Variants in RPH3A observed in about 807,000 individuals in gnomAD.
RPH3A encodes rabphilin-3A.
A neutral mutation model predicts 102.2 loss-of-function variants in RPH3A; 48 were observed. The observed-to-expected ratio is 0.47, with a 90% CI of 0.37 to 0.60. The LOEUF is 0.60. Among genes scored for constraint, RPH3A ranks in the 20% least tolerant of loss-of-function variants. The pLI, the probability that RPH3A is intolerant of heterozygous loss-of-function variation, is 0.00. For missense variants in RPH3A, 781 were observed against 910.1 expected, an observed-to-expected ratio of 0.86 and a Z score of 1.83; for synonymous variants, 310 against 324.3, an observed-to-expected ratio of 0.96 and a Z score of 0.47.
rs1185287634 is a variant in RPH3A at position 112,837,760 on chromosome 12, C to T, written c.83+1258C>T. 6.6e-6 allele frequency: 3 copies of T among 455,926 alleles called. No individual in the cohort carries two copies. The East Asian group carries it at 2.1e-4, about 32-fold the overall frequency. The allele number at this position is 455,926 out of a possible 1,614,324, so 28.2% of individuals were successfully genotyped here. On this transcript the variant is annotated intron_variant, in intron 4 of 21. Transcript: ENST00000389385. ...ATCACCAGAGAGAAGTTCATGACTC[C>T]AAAAGGTCTCAGGGTTCTTAGAGGC...
At chr12:112,892,119 G>A (rs1407255524) in intron 19 of RPH3A, among the ~76,000 whole-genome samples, 1 of 152,218 alleles carries the variant, frequency 6.6e-6, no homozygotes, top group Non-Finnish European at 1.5e-5. Flanking sequence ...CTGGCCTTGG[G>A]GCAGCAACAT....
intron 1 of RPH3A, among the ~76,000 whole-genome samples, chr12:112,664,360 T>C (rs1459078070): frequency 6.6e-6 from 1 of 152,112 alleles, no homozygotes; most frequent in East Asian, 1.9e-4. Flanking sequence ...AACAATCAGG[T>C]TCTCTCTCCA....
intron 1 of RPH3A, among the ~76,000 whole-genome samples, chr12:112,608,082 T>C (rs1393473332): frequency 4.6e-5 from 7 of 151,842 alleles, no homozygotes; most frequent in African/African-American, 7.3e-5. Context: ...CTTACCCTCA[T>C]CTTTTATATC....
At chr12:112,727,975 C>T (rs577615164) in intron 1 of RPH3A, among the ~76,000 whole-genome samples, 13 of 152,246 alleles carry the variant, frequency 8.5e-5, no homozygotes, top group Admixed American at 2.6e-4. Flanking sequence ...TATATAAAAA[C>T]CCATGAATAT....
chr12:112,643,404 T>C (rs928824425), intron 1 of RPH3A, among the ~76,000 whole-genome samples: 2 of 152,234 alleles, frequency 1.3e-5, no homozygotes, highest in Non-Finnish European at 1.5e-5. Flanking sequence ...ATTAGGTAAA[T>C]GCTAAGCTAG....
intron 1 of RPH3A, among the ~76,000 whole-genome samples, chr12:112,699,121 A>G (rs1319964227): frequency 2.0e-5 from 3 of 152,082 alleles, no homozygotes; most frequent in African/African-American, 4.8e-5. Context: ...GGGTTTCACC[A>G]TGTTGCCCAG....
At chr12:112,722,828 T>C (rs1356698961) in intron 1 of RPH3A, among the ~76,000 whole-genome samples, 2 of 152,194 alleles carry the variant, frequency 1.3e-5, no homozygotes, top group East Asian at 3.8e-4. Context: ...GCTGGTGACT[T>C]TGTGGGGCTG....
At chr12:112,833,095 T>C (rs1018539789) in intron 3 of RPH3A, among the ~76,000 whole-genome samples, 10 of 152,080 alleles carry the variant, frequency 6.6e-5, no homozygotes, top group Non-Finnish European at 1.3e-4. Context: ...AGGCTGGTCT[T>C]GAACTCCTGA....
chr12:112,744,800 G>A (rs984762336), intron 1 of RPH3A, among the ~76,000 whole-genome samples: 1 of 152,146 alleles, frequency 6.6e-6, no homozygotes, highest in Admixed American at 6.5e-5. Flanking sequence ...CCTTTACTCT[G>A]TGCTCTGATG....
intron 2 of RPH3A, among the ~76,000 whole-genome samples, chr12:112,825,294 A>G (rs1371452522): frequency 6.6e-6 from 1 of 152,192 alleles, no homozygotes; most frequent in Non-Finnish European, 1.5e-5. Context: ...CTTTACTGTA[A>G]GGGATCTTCT....
rs1003411896 is a variant in RPH3A at position 112,586,718 on chromosome 12, G to A, written c.-140+11399G>A. On this transcript the variant is annotated intron_variant, in intron 1 of 21. Coordinates refer to the RPH3A transcript ENST00000543106. ...CATGTCCTCATGTAATCTTCCCAACGATCTTATGAAGAAGGTCCTACTATT... is the reference window on the plus strand; with the variant it reads ...CATGTCCTCATGTAATCTTCCCAACAATCTTATGAAGAAGGTCCTACTATT... Among the ~76,000 whole-genome samples, 4 of 152,164 alleles carry A rather than the reference G, an allele frequency of 2.6e-5. 1 individual carries two copies.
chr12:112,626,525 G>C (rs1470990579), intron 1 of RPH3A, among the ~76,000 whole-genome samples: 1 of 136,476 alleles, frequency 7.3e-6, no homozygotes, highest in Non-Finnish European at 1.6e-5. Context: ...TCTCACACCA[G>C]TTAGAATGGC....
Position 112,896,682 on chromosome 12 carries a change from G to C in RPH3A, c.1987G>C (p.Glu663Gln). The C allele has an allele frequency of 3.1e-6, 5 of 1,614,116 alleles. No individual in the cohort carries two copies. Among genetic ancestry groups the C allele is most frequent in the Non-Finnish European group, 4.2e-6 (5 of 1,180,008 alleles). ...CCAGCTGGGGATCTCTGCCAAGGGA[G>C]AGCGCTTAAAACACTGGTACGAGTG... The part of the protein sequence containing the change: ...GCQLGISAKG[E>Q]RLKHWYECLK... Residue 663 changes from glutamate (E) to glutamine (Q), a missense_variant, in exon 22 of 22, where the codon GAG becomes CAG. Around this residue, in one of 2 missense-constraint regions of RPH3A, gnomAD observed 51 missense variants for 100.1 expected, o/e 0.51. Coordinates refer to ENST00000389385, the MANE Select transcript of RPH3A (RefSeq NM_001143854.2).
At chr12:112,712,895 T>TTCTTCTTCTTCTTCTTCC (rs1565856672) in intron 1 of RPH3A, among the ~76,000 whole-genome samples, 2 of 132,496 alleles carry the variant, frequency 1.5e-5, no homozygotes, top group African/African-American at 6.4e-5. Context: ...CTTCTTCTTC[T>TTCTTCTTCTTCTTCTTCC]TCTTCTTCCT....
chr12:112,645,766 G>A (rs1232889220), intron 1 of RPH3A, among the ~76,000 whole-genome samples: 1 of 152,196 alleles, frequency 6.6e-6, no homozygotes, highest in Non-Finnish European at 1.5e-5. Context: ...TGATTCATAA[G>A]TTCGTGGGTG....
chr12:112,687,133 T>G (rs1421617292), intron 1 of RPH3A, among the ~76,000 whole-genome samples: 1 of 152,136 alleles, frequency 6.6e-6, no homozygotes, highest in Non-Finnish European at 1.5e-5. Flanking sequence ...AGCATTTGGC[T>G]GCAAGTAAGA....
At position 112,614,521 on chromosome 12, in the gene RPH3A, T is replaced by TA. The variant is rs749815704; in HGVS notation, c.-140+39216dup. On this transcript the variant is annotated intron_variant, in intron 1 of 21. Transcript: ENST00000543106. ...CATCACGGTGTAACCCTGTCTCTAT[T>TA]AAAAAAAAAAAAAAGCAAAATACGG... Among the ~76,000 whole-genome samples, 1,019 of 131,722 alleles carry TA rather than the reference T, an allele frequency of 7.7e-3. 5 individuals carry two copies. Among genetic ancestry groups the TA allele is most frequent in the African/African-American group, 0.014 (495 of 35,668 alleles). The allele number at this position is 131,722 out of a possible 152,430, so 86.4% of individuals were successfully genotyped here.
At chr12:112,865,357 G>C (rs764650645) in intron 5 of RPH3A, 57 bp from the exon 6 acceptor site, 1 of 1,592,828 alleles carries the variant, frequency 6.3e-7, no homozygotes, top group Non-Finnish European at 8.6e-7. Flanking sequence ...ACACTGTGGG[G>C]TATGCTGGTG....
At chr12:112,631,865 T>C (rs1222355332) in intron 1 of RPH3A, among the ~76,000 whole-genome samples, 1 of 152,190 alleles carries the variant, frequency 6.6e-6, no homozygotes, top group African/African-American at 2.4e-5. Flanking sequence ...GTAATTTAGC[T>C]ACATGGATAT....
Sources: gnomAD v4.1 joint callset for allele counts (sites outside exome capture counted in the v4.1 genomes callset) on GRCh38, gnomAD v4.1.1 for gene constraint, gnomAD v4.1.1 regional missense constraint, MANE v1.5 for transcripts, NCBI Gene and HGNC (gene_info 2026-07-23, HGNC 2026-07-21) for gene names.